NRG1: variants seen among roughly 807,000 people sequenced by gnomAD.
NRG1 encodes the protein pro-neuregulin-1, membrane-bound isoform.
A neutral mutation model predicts 63.8 loss-of-function variants in NRG1; 18 were observed. The ratio of observed to expected loss-of-function variants is 0.28; its 90% CI spans 0.19 to 0.42. The LOEUF is 0.42. Among genes scored for constraint, NRG1 ranks in the 10% least tolerant of loss-of-function variants. NRG1 has a pLI of 1.00. For missense variants in NRG1, 762 were observed against 814.7 expected, an observed-to-expected ratio of 0.94 and a Z score of 0.79; for synonymous variants, 302 against 301.3, an observed-to-expected ratio of 1.00 and a Z score of -0.02.
chr8:32,463,906 T>G (rs1822690132), intron 1 of NRG1, among the ~76,000 whole-genome samples: 6 of 63,236 alleles, frequency 9.5e-5, no homozygotes, highest in Non-Finnish European at 1.0e-4. Flanking sequence ...TTTTTTTTTT[T>G]TTTTTTTGGG....
chr8:32,141,592 GTATATATATATATATA>G (rs59251868), intron 1 of NRG1, among the ~76,000 whole-genome samples: 98 of 71,778 alleles, frequency 1.4e-3, no homozygotes, highest in African/African-American at 3.7e-3. Context: ...ATGTGTGTGG[GTATATATATATATATA>G]TATATATATA....
intron 1 of NRG1, among the ~76,000 whole-genome samples, chr8:32,206,880 A>G (rs1020534876): frequency 1.3e-5 from 2 of 152,218 alleles, no homozygotes; most frequent in African/African-American, 2.4e-5. Flanking sequence ...AAGTGAGAAC[A>G]TGCAGTATTT....
intron 5 of NRG1, among the ~76,000 whole-genome samples, chr8:32,703,744 G>A (rs372214084): frequency 1.3e-3 from 194 of 152,216 alleles, no homozygotes; most frequent in African/African-American, 4.5e-3. Flanking sequence ...CAACATGTAT[G>A]GTCTATTCTT....
chr8:32,578,467 C>G (rs1840060547), intron 1 of NRG1, among the ~76,000 whole-genome samples: 1 of 90,270 alleles, frequency 1.1e-5, no homozygotes, highest in Non-Finnish European at 2.9e-5. Context: ...ATTCTCTGTC[C>G]TCCTTTTTTT....
intron 1 of NRG1, among the ~76,000 whole-genome samples, chr8:31,867,706 C>T (rs1036478312): frequency 6.6e-6 from 1 of 151,936 alleles, no homozygotes; most frequent in East Asian, 1.9e-4. Context: ...GAAATCAGCA[C>T]ATTTTTCTGG....
At chr8:32,587,229 A>T (rs1841774075) in intron 1 of NRG1, among the ~76,000 whole-genome samples, 2 of 152,002 alleles carry the variant, frequency 1.3e-5, no homozygotes, top group Non-Finnish European at 2.9e-5. Context: ...AAAAAAAATT[A>T]AAGCAGAGAA....
rs190081307 is a variant in NRG1 at position 31,925,619 on chromosome 8, A to T, written c.37+286188A>T. Among the ~76,000 whole-genome samples the T allele has an allele frequency of 1.8e-3, 272 of 151,968 alleles. 1 individual carries two copies. Among genetic ancestry groups the T allele is most frequent in the African/African-American group, 6.2e-3 (257 of 41,462 alleles). Reference sequence around the variant, plus strand: ...CTAATTACTTGTGTCTTATTCCTTTATGTCATGTCTTTATGTTCTTTTCTA... The same window carrying T: ...CTAATTACTTGTGTCTTATTCCTTTTTGTCATGTCTTTATGTTCTTTTCTA... On this transcript the variant is annotated intron_variant, in intron 1 of 10. Transcript: ENST00000519301.
intron 1 of NRG1, among the ~76,000 whole-genome samples, chr8:32,061,391 T>G (rs562910487): frequency 2.2e-4 from 33 of 152,142 alleles, no homozygotes; most frequent in Admixed American, 6.6e-5. Context: ...TAAAACTGTT[T>G]CTCAATGTAT....
intron 1 of NRG1, among the ~76,000 whole-genome samples, chr8:32,069,910 A>T (rs1011261077): frequency 3.9e-5 from 6 of 152,176 alleles, no homozygotes; most frequent in Non-Finnish European, 7.3e-5. Flanking sequence ...GTGCCCACAC[A>T]TCTTTCTCAA....
chr8:31,992,433 G>A (rs923295968), intron 1 of NRG1, among the ~76,000 whole-genome samples: 2 of 151,914 alleles, frequency 1.3e-5, no homozygotes, highest in African/African-American at 4.8e-5. Flanking sequence ...CCTAGACAGG[G>A]GAGGGAATGG....
At chr8:32,546,498 T>A (rs112136479), upstream of NRG1, among the ~76,000 whole-genome samples, 33 of 152,340 alleles carry the variant, frequency 2.2e-4, 1 homozygote, top group East Asian at 1.5e-3. Context: ...TTTTGCTATT[T>A]CCTGCTTACT....
chr8:32,758,782 A>G (rs534795442), intron 9 of NRG1, among the ~76,000 whole-genome samples: 2 of 152,218 alleles, frequency 1.3e-5, no homozygotes, highest in African/African-American at 2.4e-5. Flanking sequence ...TTTCAGTGAC[A>G]TTAGTAGGGC....
intron 10 of NRG1, 121 bp from the exon 11 acceptor site, chr8:32,760,079 A>G: frequency 9.3e-7 from 1 of 1,076,328 alleles, no homozygotes; most frequent in South Asian, 1.5e-5. Flanking sequence ...GTGATGTTAC[A>G]GTGAGCTCCG....
chr8:32,425,634 T>C (rs1183444846), intron 1 of NRG1, among the ~76,000 whole-genome samples: 1 of 152,198 alleles, frequency 6.6e-6, no homozygotes, highest in Non-Finnish European at 1.5e-5. Context: ...CTAGAGCCCA[T>C]ATTGCCCACA....
intron 1 of NRG1, among the ~76,000 whole-genome samples, chr8:32,529,735 A>G (rs954166160): frequency 7.2e-5 from 11 of 152,284 alleles, no homozygotes; most frequent in Middle Eastern, 3.4e-3. Context: ...CCACCTCCAC[A>G]TCATGTCCCA....
chr8:32,301,464 C>T (rs1172984204), intron 1 of NRG1, among the ~76,000 whole-genome samples: 1 of 152,138 alleles, frequency 6.6e-6, no homozygotes, highest in Non-Finnish European at 1.5e-5. Flanking sequence ...TTTAGATTTG[C>T]CCTAAAATAT....
At chr8:32,069,847 C>T (rs1049119920) in intron 1 of NRG1, among the ~76,000 whole-genome samples, 1 of 152,162 alleles carries the variant, frequency 6.6e-6, no homozygotes, top group Non-Finnish European at 1.5e-5. Context: ...GTTTTGAGAA[C>T]CTGAGTCCTA....
chr8:32,098,136 AGAG>A (rs768491843), intron 1 of NRG1, among the ~76,000 whole-genome samples: 52,712 of 152,104 alleles, frequency 0.35, 9,789 homozygotes, highest in East Asian at 0.5. Context: ...GAAGAAACCA[AGAG>A]GGCCTGATGT....
chr8:32,252,467 T>C (rs11993054), intron 1 of NRG1, among the ~76,000 whole-genome samples: 105,636 of 152,022 alleles, frequency 0.69, 37,272 homozygotes, highest in African/African-American at 0.79. Flanking sequence ...TTCCCCATTG[T>C]TTGTTTTTGT....
Sources: gnomAD v4.1 joint callset for allele counts (sites outside exome capture counted in the v4.1 genomes callset) on GRCh38, gnomAD v4.1.1 for gene constraint, MANE v1.5 for transcripts, NCBI Gene and HGNC (gene_info 2026-07-23, HGNC 2026-07-21) for gene names.